Variants in TUSC3 observed in about 807,000 individuals in gnomAD.
The protein encoded by TUSC3 is dolichyl-diphosphooligosaccharide--protein glycosyltransferase subunit TUSC3.
A neutral mutation model predicts 44.8 loss-of-function variants in TUSC3; 45 were observed. The observed-to-expected ratio is 1.00, with a 90% CI of 0.79 to 1.29. The LOEUF (loss-of-function observed/expected upper bound fraction) is 1.29. TUSC3 is among the 50% of genes most tolerant of loss of function. The probability of loss-of-function intolerance (pLI) is 0.00; values close to 1 mark genes in which losing one functional copy is unlikely to be tolerated. For missense variants in TUSC3, 519 were observed against 437.9 expected (o/e 1.19, Z -1.65); for synonymous variants, 212 against 152.9 (o/e 1.39, Z -2.85).
Position 15,423,978 on chromosome 8 carries a change from T to G in TUSC3, n.91+6673T>G, listed in dbSNP as rs1156517504. ...CATACTGTTTTGCTTTGTTTTTTTT[T>G]TTTTTTTTTTTTTTTTTTTTTTTTT... On this transcript the variant is annotated intron_variant and non_coding_transcript_variant, in intron 1 of 5. Transcript: ENST00000503191. Among the ~76,000 whole-genome samples, 76 of 106,754 alleles carry G rather than the reference T, an allele frequency of 7.1e-4. 6 individuals carry two copies. The highest frequency in any genetic ancestry group is 1.8e-3 in the African/African-American group (54 of 30,156). 70.0% of individuals were successfully genotyped at this position (106,754 alleles called of 152,430 possible).
At chr8:15,769,268 A>T (rs1812400561), downstream of TUSC3, among the ~76,000 whole-genome samples, 1 of 152,206 alleles carries the variant, frequency 6.6e-6, no homozygotes, top group Non-Finnish European at 1.5e-5. Context: ...AGGCCTCAGA[A>T]ATAATACCAC....
intron 8 of TUSC3, among the ~76,000 whole-genome samples, chr8:15,746,469 C>T (rs1187894203): frequency 6.6e-6 from 1 of 152,108 alleles, no homozygotes; most frequent in Non-Finnish European, 1.5e-5. Context: ...GCATCTGCCT[C>T]ATTATGGCAT....
At chr8:15,683,256 T>C (rs1451691711) in intron 6 of TUSC3, among the ~76,000 whole-genome samples, 2 of 152,234 alleles carry the variant, frequency 1.3e-5, no homozygotes, top group Non-Finnish European at 2.9e-5. Flanking sequence ...CCATGTTTTC[T>C]GCTTTCTCTT....
the TUSC3 span, among the ~76,000 whole-genome samples, chr8:15,833,834 T>C: frequency 1.3e-5 from 1 of 74,150 alleles, no homozygotes; most frequent in East Asian, 3.5e-4. Flanking sequence ...ACCCCTGAAC[T>C]TAAAAGTTAA....
At chr8:15,550,780 T>G (rs559004275) in intron 1 of TUSC3, among the ~76,000 whole-genome samples, 12 of 151,794 alleles carry the variant, frequency 7.9e-5, no homozygotes, top group Non-Finnish European at 1.0e-4. Flanking sequence ...CAAGTGATTC[T>G]CGTGCCTCAG....
intron 2 of TUSC3, among the ~76,000 whole-genome samples, chr8:15,648,103 A>C (rs1187678220): frequency 6.6e-6 from 1 of 152,074 alleles, no homozygotes; most frequent in Non-Finnish European, 1.5e-5. Flanking sequence ...TATTTCTGTG[A>C]TGCCTGTTTG....
At chr8:15,694,375 G>A (rs963364114) in intron 6 of TUSC3, among the ~76,000 whole-genome samples, 1 of 142,768 alleles carries the variant, frequency 7.0e-6, no homozygotes, top group Admixed American at 7.5e-5. Context: ...CTGGGAGGCT[G>A]CAATAAGCCG....
At chr8:15,546,790 C>T (rs1212112842) in intron 1 of TUSC3, among the ~76,000 whole-genome samples, 2 of 151,764 alleles carry the variant, frequency 1.3e-5, no homozygotes, top group East Asian at 3.9e-4. Flanking sequence ...CCGTCTCGGC[C>T]TCCCCAAAGT....
chr8:15,849,216 A>C, the TUSC3 span, among the ~76,000 whole-genome samples: 1 of 152,178 alleles, frequency 6.6e-6, no homozygotes, highest in Non-Finnish European at 1.5e-5. Flanking sequence ...TTCCATATCT[A>C]ATGCCACATA....
intron 2 of TUSC3, among the ~76,000 whole-genome samples, chr8:15,515,853 T>C (rs1478870459): frequency 6.6e-6 from 1 of 151,930 alleles, no homozygotes; most frequent in Admixed American, 6.6e-5. Context: ...GTATTTTTAG[T>C]AGAAACGGAG....
chr8:15,781,826 A>G, the TUSC3 span, among the ~76,000 whole-genome samples: 3 of 152,168 alleles, frequency 2.0e-5, no homozygotes, highest in African/African-American at 7.2e-5. Context: ...AAAGCCAAAC[A>G]AAGCTACTAT....
At chr8:15,732,618 G>A (rs1478655972) in intron 7 of TUSC3, among the ~76,000 whole-genome samples, 1 of 152,072 alleles carries the variant, frequency 6.6e-6, no homozygotes, top group Non-Finnish European at 1.5e-5. Context: ...AACTTGAAAT[G>A]TAAACATTGA....
intron 1 of TUSC3, among the ~76,000 whole-genome samples, chr8:15,440,720 C>T (rs1240707942): frequency 6.6e-6 from 1 of 152,174 alleles, no homozygotes; most frequent in Non-Finnish European, 1.5e-5. Flanking sequence ...GTGTGAACTT[C>T]TCTAGAATAG....
At chr8:15,694,720 C>G (rs993355330) in intron 6 of TUSC3, among the ~76,000 whole-genome samples, 1 of 152,126 alleles carries the variant, frequency 6.6e-6, no homozygotes, top group Non-Finnish European at 1.5e-5. Flanking sequence ...GCTCAGGACT[C>G]CCGAGCTGCA....
chr8:15,492,586 G>T (rs1800823186), intron 2 of TUSC3, among the ~76,000 whole-genome samples: 1 of 152,064 alleles, frequency 6.6e-6, no homozygotes, highest in African/African-American at 2.4e-5. Context: ...TGACATGGGA[G>T]ATTTGACTTG....
chr8:15,452,097 C>A (rs981023526), intron 1 of TUSC3, among the ~76,000 whole-genome samples: 1 of 152,138 alleles, frequency 6.6e-6, no homozygotes, highest in Admixed American at 6.5e-5. Context: ...ACTCTAGCAA[C>A]TGAATTTAAT....
At chr8:15,448,117 A>ATATATATATATATATATATATT (rs1276079521) in intron 1 of TUSC3, among the ~76,000 whole-genome samples, 16 of 93,752 alleles carry the variant, frequency 1.7e-4, no homozygotes, top group Non-Finnish European at 2.6e-4. Flanking sequence ...ACATATATAT[A>ATATATATATATATATATATATT]TATTTATTTA....
chr8:15,545,483 T>G (rs1328733751), intron 1 of TUSC3, among the ~76,000 whole-genome samples: 1 of 151,804 alleles, frequency 6.6e-6, no homozygotes, highest in Non-Finnish European at 1.5e-5. Flanking sequence ...GGACTCTGTC[T>G]TCTTTGACTA....
intron 1 of TUSC3, among the ~76,000 whole-genome samples, chr8:15,569,461 A>T (rs1362297591): frequency 6.6e-6 from 1 of 152,156 alleles, no homozygotes; most frequent in Non-Finnish European, 1.5e-5. Flanking sequence ...AGTTTATTTA[A>T]CTTGCCTTGG....
Sources: allele counts gnomAD v4.1 joint callset (sites outside exome capture counted in the v4.1 genomes callset), GRCh38; gene constraint gnomAD v4.1.1; transcripts MANE v1.5; gene names NCBI Gene and HGNC (gene_info 2026-07-23, HGNC 2026-07-21).